Variants in CMTM8 observed in about 807,000 individuals in gnomAD.
CMTM8 encodes the protein CKLF-like MARVEL transmembrane domain-containing protein 8.
A neutral mutation model predicts 18.6 loss-of-function variants in CMTM8; 12 were observed. That is an observed-to-expected ratio of 0.65 (90% CI 0.41 to 1.05). CMTM8 has a LOEUF of 1.05. CMTM8 is among the 50% of genes least tolerant of loss of function. The probability of loss-of-function intolerance (pLI) is 0.00; values close to 1 mark genes in which losing one functional copy is unlikely to be tolerated. For missense variants in CMTM8, 217 were observed against 227.2 expected (o/e 0.95, Z 0.29); for synonymous variants, 87 against 90.6 (o/e 0.96, Z 0.23).
At chr3:32,242,176 A>C (rs1169689130) in intron 1 of CMTM8, among the ~76,000 whole-genome samples, 1 of 152,266 alleles carries the variant, frequency 6.6e-6, no homozygotes, top group Non-Finnish European at 1.5e-5. Context: ...CTAAGAAAGC[A>C]TGCATGTGGA....
chr3:32,324,797 G>T (rs1250361994), intron 1 of CMTM8, among the ~76,000 whole-genome samples: 1 of 152,190 alleles, frequency 6.6e-6, no homozygotes, highest in Admixed American at 6.5e-5. Flanking sequence ...ACACATATGT[G>T]GGAGCCCCCA....
chr3:32,327,316 A>C (rs562605713), intron 1 of CMTM8, among the ~76,000 whole-genome samples: 1 of 152,358 alleles, frequency 6.6e-6, no homozygotes, highest in East Asian at 1.9e-4. Context: ...TTTAGAAAAA[A>C]ATCCCTTAAA....
chr3:32,286,778 C>T (rs997041033), intron 1 of CMTM8, among the ~76,000 whole-genome samples: 26 of 152,086 alleles, frequency 1.7e-4, no homozygotes, highest in African/African-American at 4.3e-4. Context: ...AAAAAAAGGG[C>T]GCAAAAAAAC....
intron 1 of CMTM8, among the ~76,000 whole-genome samples, chr3:32,356,230 A>C (rs1418747517): frequency 6.6e-6 from 1 of 152,226 alleles, no homozygotes; most frequent in Non-Finnish European, 1.5e-5. Context: ...AGAAAGCTAA[A>C]CCAGAAATGA....
chr3:32,252,124 T>G (rs1051619633), intron 1 of CMTM8, among the ~76,000 whole-genome samples: 1 of 152,166 alleles, frequency 6.6e-6, no homozygotes, highest in Non-Finnish European at 1.5e-5. Flanking sequence ...CCGTCTTAAA[T>G]TTTAAGAAGT....
At chr3:32,242,004 G>A (rs1701949766) in intron 1 of CMTM8, among the ~76,000 whole-genome samples, 1 of 152,180 alleles carries the variant, frequency 6.6e-6, no homozygotes, top group South Asian at 2.1e-4. Context: ...GGGAGCCTCT[G>A]GCCTGGTGGC....
intron 1 of CMTM8, among the ~76,000 whole-genome samples, chr3:32,248,249 G>A (rs990902272): frequency 3.9e-5 from 6 of 152,106 alleles, no homozygotes; most frequent in Non-Finnish European, 7.4e-5. Flanking sequence ...ATTCTGTTGC[G>A]TCTATAGATC....
chr3:32,272,270 C>T (rs1478369988), intron 1 of CMTM8, among the ~76,000 whole-genome samples: 2 of 152,112 alleles, frequency 1.3e-5, no homozygotes, highest in African/African-American at 4.8e-5. Context: ...ACAGCAACTT[C>T]ATTATGATAT....
rs1425046104 is a variant in CMTM8, at chr3:32,260,811, TGG to T, written c.147+21694_147+21695del. The stretch of plus-strand genomic sequence containing the variant: ...TTTTATATAACACATAGATTAATTT[TGG>T]GAAAATCATTTTATACTACCCTAGT... On this transcript the variant is annotated intron_variant, in intron 1 of 3. Transcript: ENST00000307526. Among the ~76,000 whole-genome samples the T allele has an allele frequency of 7.2e-5, 11 of 152,308 alleles. No homozygotes were observed. In the South Asian group the frequency reaches 2.3e-3, roughly 32 times the overall value.
At chr3:32,325,451 T>C (rs951563138) in intron 1 of CMTM8, among the ~76,000 whole-genome samples, 2 of 152,202 alleles carry the variant, frequency 1.3e-5, no homozygotes, top group Non-Finnish European at 2.9e-5. Context: ...CCTCTCTTTT[T>C]TTAAGACTCA....
chr3:32,352,624 A>G lies in CMTM8; in HGVS notation c.148-4749A>G, dbSNP rs1032639694. Among the ~76,000 whole-genome samples, 12 of 152,366 alleles carry G rather than the reference A, an allele frequency of 7.9e-5. No individual in the cohort carries two copies. In the South Asian group the frequency reaches 2.3e-3, roughly 29 times the overall value. On this transcript the variant is annotated intron_variant, in intron 1 of 3. Transcript: ENST00000307526. The stretch of plus-strand genomic sequence containing the variant: ...AGACTGAATACTACAGGGTCCATTT[A>G]TATGAAGATCAAAAGCAGAAACTAA...
chr3:32,261,576 C>CT (rs1444038310), intron 1 of CMTM8, among the ~76,000 whole-genome samples: 1 of 152,150 alleles, frequency 6.6e-6, no homozygotes, highest in Non-Finnish European at 1.5e-5. Context: ...ATGAGTAGCA[C>CT]TGTTTCTAGG....
chr3:32,333,139 G>A (rs967530745), intron 1 of CMTM8, among the ~76,000 whole-genome samples: 3 of 152,186 alleles, frequency 2.0e-5, no homozygotes, highest in African/African-American at 4.8e-5. Flanking sequence ...AGCAGCCAAC[G>A]ACATATGCAA....
At chr3:32,250,736 A>C (rs538617724) in intron 1 of CMTM8, among the ~76,000 whole-genome samples, 1 of 151,546 alleles carries the variant, frequency 6.6e-6, no homozygotes, top group Non-Finnish European at 1.5e-5. Context: ...GTTCTTTTTT[A>C]TTTCTTTCTT....
At chr3:32,319,074 A>ATATATATATATATATATATATTTTTTTT in intron 1 of CMTM8, among the ~76,000 whole-genome samples, 4 of 31,528 alleles carry the variant, frequency 1.3e-4, no homozygotes, top group African/African-American at 6.1e-4. Flanking sequence ...ATATATATAT[A>ATATATATATATATATATATATTTTTTTT]TTTTTTTTTT....
intron 1 of CMTM8, among the ~76,000 whole-genome samples, chr3:32,241,292 A>G (rs1226632907): frequency 6.6e-6 from 1 of 152,116 alleles, no homozygotes; most frequent in Non-Finnish European, 1.5e-5. Context: ...GCCTCCAATT[A>G]TACATACCCT....
At position 32,309,392 on chromosome 3, in the gene CMTM8, C is replaced by T. The variant is rs60264186; in HGVS notation, c.148-47981C>T. Among the ~76,000 whole-genome samples the T allele has an allele frequency of 5.6e-3, 837 of 150,326 alleles. 14 individuals are homozygous for T. Among genetic ancestry groups the T allele is most frequent in the African/African-American group, 0.019 (795 of 40,774 alleles). Reference sequence around the variant, plus strand: ...GTACAATCTCAGCTCACTGCAACCTCCACCTCCCGGGTTCAAGTGATTCTC... The same window carrying T: ...GTACAATCTCAGCTCACTGCAACCTTCACCTCCCGGGTTCAAGTGATTCTC... On this transcript the variant is annotated intron_variant, in intron 1 of 3. Coordinates refer to ENST00000307526, the MANE Select transcript of CMTM8 (RefSeq NM_178868.5).
intron 1 of CMTM8, among the ~76,000 whole-genome samples, chr3:32,298,819 G>T (rs1362959337): frequency 9.9e-6 from 1 of 101,138 alleles, no homozygotes; most frequent in Non-Finnish European, 2.0e-5. Context: ...ATATATACAC[G>T]TGTGTATGTG....
At chr3:32,253,164 T>C (rs1702136085) in intron 1 of CMTM8, among the ~76,000 whole-genome samples, 1 of 152,216 alleles carries the variant, frequency 6.6e-6, no homozygotes, top group African/African-American at 2.4e-5. Flanking sequence ...TGATAAACTA[T>C]TGAATTTAAA....
Sources: gnomAD v4.1 joint callset for allele counts (sites outside exome capture counted in the v4.1 genomes callset) on GRCh38, gnomAD v4.1.1 for gene constraint, MANE v1.5 for transcripts, NCBI Gene and HGNC (gene_info 2026-07-23, HGNC 2026-07-21) for gene names.